The following DHFR2 variants were observed in gnomAD, a reference collection of about 807,000 sequenced individuals.
The protein encoded by DHFR2 is dihydrofolate reductase 2.
DHFR2 carries 11 observed loss-of-function variants against 12.0 expected under a neutral mutation model. That is an observed-to-expected ratio of 0.92 (90% confidence interval 0.58 to 1.52). The LOEUF (loss-of-function observed/expected upper bound fraction) is 1.52, where lower values mean the gene tolerates loss of function less well. Ranked by LOEUF, DHFR2 falls within the 40% of genes most tolerant of loss-of-function variation. DHFR2 has a pLI of 0.00. For missense variants in DHFR2, 188 were observed against 221.2 expected, an observed-to-expected ratio of 0.85 and a Z score of 0.95; for synonymous variants, 87 against 79.6, an observed-to-expected ratio of 1.09 and a Z score of -0.49.
rs2077167514 is a variant in DHFR2 at position 94,060,559 on chromosome 3, G to T, written c.*389C>A. On this transcript the variant is annotated 3_prime_UTR_variant, in exon 2 of 2. Transcript: ENST00000314636. ...TGCAACATTTGTCTACAAACCTCTG[G>T]ATATACATGTACGAAGCTTTTGGTA... The T allele has an allele frequency of 5.2e-6, 1 of 190,568 alleles. No individual in the cohort carries two copies. The highest frequency in any genetic ancestry group is 1.1e-5 in the Non-Finnish European group (1 of 91,846). The allele number at this position is 190,568 out of a possible 1,614,324, so 11.8% of individuals were successfully genotyped here. A position where few individuals can be genotyped will look rare whatever the true frequency, so the allele number is the denominator to read the frequency against.
rs2077165126 is a variant in DHFR2 at position 94,060,105 on chromosome 3, G to A, written c.*843C>T. On this transcript the variant is annotated 3_prime_UTR_variant, in exon 2 of 2. Transcript: ENST00000314636. Reference sequence around the variant, plus strand: ...TGAAGAGTTTACATACTTAAACATGGAATTGCTTTAAGTGTTTGGCATTCA... The same window carrying A: ...TGAAGAGTTTACATACTTAAACATGAAATTGCTTTAAGTGTTTGGCATTCA... The A allele has an allele frequency of 6.6e-6, 1 of 151,978 alleles. No homozygotes were observed. Among genetic ancestry groups the A allele is most frequent in the Non-Finnish European group, 1.5e-5 (1 of 67,990 alleles). 9.4% of individuals were successfully genotyped at this position (151,978 alleles called of 1,614,324 possible).
chr3:94,062,090 AAATGATAG>A, intron 1 of DHFR2, among the ~76,000 whole-genome samples: 1 of 152,348 alleles, frequency 6.6e-6, no homozygotes, highest in Middle Eastern at 3.4e-3. Flanking sequence ...TTGCTGCTAC[AAATGATAG>A]TTACTGAAGC....
Position 94,060,303 on chromosome 3 carries a change from G to A in DHFR2, c.*645C>T, listed in dbSNP as rs1019402125. The A allele has an allele frequency of 2.0e-5, 3 of 152,902 alleles. No homozygotes were observed. The highest frequency in any genetic ancestry group is 2.9e-5 in the Non-Finnish European group (2 of 68,566). 9.5% of individuals were successfully genotyped at this position (152,902 alleles called of 1,614,324 possible). On this transcript the variant is annotated 3_prime_UTR_variant, in exon 2 of 2. Coordinates refer to ENST00000314636, the MANE Select transcript of DHFR2 (RefSeq NM_176815.5). ...CCTGTATCTCAGCAGTATGGAGCTC[G>A]TTACCATTGAGAACCTCCTCACTGA...
intron 1 of DHFR2, 150 bp downstream of exon 1, chr3:94,062,596 G>A (rs2077181869): frequency 6.5e-6 from 1 of 153,856 alleles, no homozygotes; most frequent in Non-Finnish European, 1.4e-5. Flanking sequence ...TTCCTTTATT[G>A]AGCCCCATGC....
chr3:94,062,131 ACTT>A (rs2077179165), intron 1 of DHFR2, among the ~76,000 whole-genome samples: 4 of 152,298 alleles, frequency 2.6e-5, no homozygotes, highest in Admixed American at 2.0e-4. Flanking sequence ...GAGCAAATAA[ACTT>A]CTATTCGTGT....
In DHFR2 at chr3:94,058,470, A is replaced by T. The variant is rs555619317; in HGVS notation, c.*2478T>A. 6.6e-6 allele frequency: 1 copy of T among 152,124 alleles called. No homozygotes were observed. 9.4% of individuals were successfully genotyped at this position (152,124 alleles called of 1,614,324 possible). On this transcript the variant is annotated 3_prime_UTR_variant, in exon 2 of 2. Transcript: ENST00000314636. The stretch of plus-strand genomic sequence containing the variant: ...TACTTAGTCATTTCTTGATTATGTT[A>T]TACATTATATAGTGATTTCTTGATA...
chr3:94,060,788 A>G lies in DHFR2; in HGVS notation c.*160T>C. ...CAGTTATAGCAAGAATGTTTCATAA[A>G]TGGTATCTGATATAGCCAAGATTAG... On this transcript the variant is annotated 3_prime_UTR_variant, in exon 2 of 2. Coordinates refer to ENST00000314636, the MANE Select transcript of DHFR2 (RefSeq NM_176815.5). 7 of 810,608 alleles carry G rather than the reference A, an allele frequency of 8.6e-6. No individual in the cohort carries two copies. Among genetic ancestry groups the G allele is most frequent in the Non-Finnish European group, 1.3e-5 (7 of 526,586 alleles). 50.2% of individuals were successfully genotyped at this position (810,608 alleles called of 1,614,324 possible). A position where few individuals can be genotyped will look rare whatever the true frequency, so the allele number is the denominator to read the frequency against.
At chr3:94,063,028 C>G (rs2077186425), upstream of DHFR2, 1 of 1,301,502 alleles carries the variant, frequency 7.7e-7, no homozygotes, top group East Asian at 2.3e-5. Flanking sequence ...AAAGTGGATG[C>G]CCGCGAATCC....
chr3:94,061,850 C>T (rs1218433223), intron 1 of DHFR2, among the ~76,000 whole-genome samples: 1 of 151,660 alleles, frequency 6.6e-6, no homozygotes, highest in African/African-American at 2.4e-5. Context: ...GTCTTTTGTA[C>T]CAAATCTAAA....
At chr3:94,062,566 C>A (rs1442335386) in intron 1 of DHFR2, among the ~76,000 whole-genome samples, 180 bp downstream of exon 1, 2 of 152,200 alleles carry the variant, frequency 1.3e-5, no homozygotes, top group Admixed American at 6.5e-5. Flanking sequence ...AGTCATCATA[C>A]AACATAACCC....
At position 94,060,748 on chromosome 3, in the gene DHFR2, G is replaced by A. The variant is rs981485847; in HGVS notation, c.*200C>T. 5 of 635,076 alleles carry A rather than the reference G, an allele frequency of 7.9e-6. No individual in the cohort carries two copies. Among genetic ancestry groups the A allele is most frequent in the African/African-American group, 3.7e-5 (2 of 54,542 alleles). The allele number at this position is 635,076 out of a possible 1,614,324, so 39.3% of individuals were successfully genotyped here. On this transcript the variant is annotated 3_prime_UTR_variant, in exon 2 of 2. Coordinates refer to ENST00000314636, the MANE Select transcript of DHFR2 (RefSeq NM_176815.5). Reference sequence around the variant, plus strand: ...TGTAGCAGGTGCTGGGGACTCAGTCGGGGTCTTGGAGAGACAGTTATAGCA... The same window carrying A: ...TGTAGCAGGTGCTGGGGACTCAGTCAGGGTCTTGGAGAGACAGTTATAGCA...
At chr3:94,061,904 A>G (rs879834593) in intron 1 of DHFR2, among the ~76,000 whole-genome samples, 8 of 152,016 alleles carry the variant, frequency 5.3e-5, no homozygotes, top group Non-Finnish European at 4.4e-5. Context: ...AACTTGTTTA[A>G]ATAAATAAAT....
In DHFR2 at chr3:94,061,430, G is replaced by A. The variant is rs755506576; in HGVS notation, c.82C>T (p.Leu28Phe). The A allele has an allele frequency of 3.7e-5, 59 of 1,614,158 alleles. No individual in the cohort carries two copies. Among genetic ancestry groups the A allele is most frequent in the Middle Eastern group, 3.3e-4 (2 of 6,062 alleles). The part of the protein sequence containing the change: ...GKNGDLPRPP[L>F]RNEFRYFQRM... ...TGGAAATACCTGAATTCATTCCTGA[G>A]CGGCGGCCTGGGCAGGTCCCCGTTC... Residue 28 changes from leucine (L) to phenylalanine (F), a missense_variant, in exon 2 of 2, where the codon CTC becomes TTC. Leu to Phe is a conservative substitution (Grantham distance 22). Transcript: ENST00000314636.
rs745927943 is a variant in DHFR2, at chr3:94,061,498, A to G, written c.14T>C (p.Leu5Pro). ...TTGGGACACAGCGACGATGCAGTTT[A>G]GCAAAAGAAACATGACAGCAGCGGT... MFLL[L>P]NCIVAVSQNM... Residue 5 changes from leucine (L) to proline (P), a missense_variant, in exon 2 of 2, where the codon CTA (leucine) becomes CCA (proline). Transcript: ENST00000314636. The G allele has an allele frequency of 6.2e-7, 1 of 1,614,188 alleles. No individual in the cohort carries two copies. Among genetic ancestry groups the G allele is most frequent in the East Asian group, 2.2e-5 (1 of 44,870 alleles).
upstream of DHFR2, chr3:94,063,165 C>T: frequency 6.2e-7 from 1 of 1,613,440 alleles, no homozygotes. Flanking sequence ...GGCTGGGTAC[C>T]TCTATCTGAA....
intron 1 of DHFR2, among the ~76,000 whole-genome samples, chr3:94,062,296 A>C (rs922728771): frequency 2.0e-5 from 3 of 152,202 alleles, no homozygotes; most frequent in Non-Finnish European, 4.4e-5. Context: ...AATAGTGAAA[A>C]TAATAGCAGC....
At chr3:94,061,704 ATT>A in intron 1 of DHFR2, 98 bp from the exon 2 acceptor site, 1 of 700,078 alleles carries the variant, frequency 1.4e-6, no homozygotes, top group Non-Finnish European at 1.8e-6. Flanking sequence ...TAAAGTATAA[ATT>A]TATAAAATAT....
At position 94,061,263 on chromosome 3, in the gene DHFR2, A is replaced by C; in HGVS notation, c.249T>G (p.Pro83=). Residue 83 remains proline (P), a synonymous_variant, in exon 2 of 2, where the codon CCT becomes CCG. Coordinates refer to ENST00000314636, the MANE Select transcript of DHFR2 (RefSeq NM_176815.5). ...NLVLSRELKE[P]PQGAHFLARS... is the part of the protein sequence containing the mutation. ...TGGCAAGAAAATGAGCTCCTTGTGG[A>C]GGTTCCTTGAGTTCTCTGCTGAGAA... 1 of 1,613,784 alleles carries C rather than the reference A, an allele frequency of 6.2e-7. No homozygotes were observed. The highest frequency in any genetic ancestry group is 8.5e-7 in the Non-Finnish European group (1 of 1,179,738).
At position 94,061,225 on chromosome 3, in the gene DHFR2, T is replaced by C. The variant is rs750546781; in HGVS notation, c.287A>G (p.Asp96Gly). The change falls in exon 2 of 2, where the codon GAT (aspartate) becomes GGT (glycine). Residue 96 changes from aspartate to glycine, a missense_variant. Coordinates refer to ENST00000314636, the MANE Select transcript of DHFR2 (RefSeq NM_176815.5). ...GAHFLARSLD[D>G]ALKLTERPEL... Reference sequence around the variant, plus strand: ...TGGTCGTTCAGTAAGTTTTAAGGCATCATCCAAACTTCTGGCAAGAAAATG... The same window carrying C: ...TGGTCGTTCAGTAAGTTTTAAGGCACCATCCAAACTTCTGGCAAGAAAATG... 19 of 1,614,048 alleles carry C rather than the reference T, an allele frequency of 1.2e-5. No homozygotes were observed. The South Asian group carries it at 2.1e-4, about 18-fold the overall frequency.
Sources: allele counts gnomAD v4.1 joint callset (sites outside exome capture counted in the v4.1 genomes callset), GRCh38; gene constraint gnomAD v4.1.1; transcripts MANE v1.5; gene names NCBI Gene and HGNC (gene_info 2026-07-23, HGNC 2026-07-21).